The following CSMD3 variants were observed in gnomAD, a reference collection of about 807,000 sequenced individuals.
CSMD3 encodes CUB and Sushi multiple domains 3, also known as CUB and sushi domain-containing protein 3.
Under a neutral mutation model 435.2 loss-of-function variants are expected in CSMD3, and 177 were observed. The observed-to-expected ratio is 0.41, with a 90% CI of 0.36 to 0.46. The LOEUF (loss-of-function observed/expected upper bound fraction) is 0.46, where lower values mean the gene tolerates loss of function less well. Ranked by LOEUF, CSMD3 falls within the 20% of genes least tolerant of loss-of-function variation. The pLI is 0.34. For synonymous variants in CSMD3, 1,656 were observed against 1,520.5 expected, an observed-to-expected ratio of 1.09 and a Z score of -2.07; for missense variants, 4,265 against 4,504.6, an observed-to-expected ratio of 0.95 and a Z score of 1.52.
intron 27 of CSMD3, among the ~76,000 whole-genome samples, chr8:112,526,997 C>A (rs574451304): frequency 6.6e-6 from 1 of 151,038 alleles, no homozygotes; most frequent in Non-Finnish European, 1.5e-5. Context: ...AGAGGTATAG[C>A]TAATAAGCTA....
At chr8:113,142,689 A>G (rs1217990762) in intron 4 of CSMD3, among the ~76,000 whole-genome samples, 4 of 151,086 alleles carry the variant, frequency 2.6e-5, no homozygotes, top group East Asian at 2.0e-4. Context: ...ACAACACAAC[A>G]GAGTAACTAC....
At chr8:112,320,033 C>T (rs1443104046) in intron 45 of CSMD3, 52 bp from the exon 46 acceptor site, 1 of 1,161,868 alleles carries the variant, frequency 8.6e-7, no homozygotes, top group African/African-American at 1.5e-5. Flanking sequence ...TACATGTATT[C>T]ACATATGCAA....
chr8:112,262,657 AG>A (rs1226885711), intron 61 of CSMD3, among the ~76,000 whole-genome samples: 4 of 152,136 alleles, frequency 2.6e-5, no homozygotes, highest in Non-Finnish European at 4.4e-5. Context: ...AAGGAATAAA[AG>A]GAAATTTCCA....
chr8:112,751,337 C>A (rs1431922063), intron 13 of CSMD3, among the ~76,000 whole-genome samples: 1 of 151,704 alleles, frequency 6.6e-6, no homozygotes, highest in Non-Finnish European at 1.5e-5. Flanking sequence ...ACCCAATATA[C>A]CTTATATTAA....
At chr8:112,461,879 T>C (rs1456431009) in intron 32 of CSMD3, among the ~76,000 whole-genome samples, 1 of 152,204 alleles carries the variant, frequency 6.6e-6, no homozygotes. Context: ...TGTACTTCTG[T>C]AAGCAGATTT....
chr8:113,343,779 A>T (rs1327892457), intron 1 of CSMD3, among the ~76,000 whole-genome samples: 1 of 152,112 alleles, frequency 6.6e-6, no homozygotes, highest in Non-Finnish European at 1.5e-5. Flanking sequence ...TCTTAAAAAT[A>T]ATTGCACTCA....
In CSMD3 at chr8:112,242,838, G is replaced by A. The variant is rs536299881; in HGVS notation, c.10403-1053C>T. Among the ~76,000 whole-genome samples the A allele has an allele frequency of 4.6e-5, 7 of 152,178 alleles. No homozygotes were observed. In the East Asian group the frequency reaches 1.2e-3, roughly 25 times the overall value. On this transcript the variant is annotated intron_variant, in intron 65 of 70. Transcript: ENST00000297405. ...ATAAATAAGCCAGAAATATTAGTTTGTAAGTAATCTACATAAGGACAGCTG... is the reference window on the plus strand; with the variant it reads ...ATAAATAAGCCAGAAATATTAGTTTATAAGTAATCTACATAAGGACAGCTG...
chr8:112,634,507 T>C (rs2074603405), intron 22 of CSMD3, among the ~76,000 whole-genome samples: 1 of 152,008 alleles, frequency 6.6e-6, no homozygotes, highest in South Asian at 2.1e-4. Flanking sequence ...CACAGCTAAT[T>C]TGAAAATGGG....
rs1044232093 is a variant in CSMD3 at position 112,749,197 on chromosome 8, C to G, written c.1972+50965G>C. On this transcript the variant is annotated intron_variant, in intron 13 of 70. Transcript: ENST00000297405. ...ACTTTTTGATGGGATTGTATGTTTT[C>G]CTCTTGTGAATTTGTTTAAGTTGCT... 4.0e-5 allele frequency among the ~76,000 whole-genome samples: 6 copies of G among 151,728 alleles called. 1 individual carries two copies. Among genetic ancestry groups the G allele is most frequent in the Admixed American group, 3.9e-4 (6 of 15,236 alleles).
chr8:112,745,831 A>G (rs985650557), intron 13 of CSMD3, among the ~76,000 whole-genome samples: 1 of 152,116 alleles, frequency 6.6e-6, no homozygotes, highest in African/African-American at 2.4e-5. Context: ...GATACTTTAA[A>G]TGTCTAACAT....
At chr8:112,534,163 T>C (rs1458331778) in intron 27 of CSMD3, among the ~76,000 whole-genome samples, 8 of 151,700 alleles carry the variant, frequency 5.3e-5, no homozygotes, top group Non-Finnish European at 7.4e-5. Context: ...AGGCAAGAAA[T>C]AACTAAAATC....
At chr8:112,952,182 T>A (rs1194117239) in intron 8 of CSMD3, among the ~76,000 whole-genome samples, 13 of 151,698 alleles carry the variant, frequency 8.6e-5, no homozygotes, top group Non-Finnish European at 7.4e-5. Context: ...ATGAGCCTTT[T>A]AACAGCCAAA....
intron 3 of CSMD3, among the ~76,000 whole-genome samples, chr8:113,269,700 G>A (rs148583080): frequency 0.27 from 33,249 of 121,044 alleles, 3,927 homozygotes; most frequent in African/African-American, 0.3. Flanking sequence ...ACAAAAAAAA[G>A]AAGAAATGGG....
At chr8:113,321,751 T>C (rs1001724636) in intron 1 of CSMD3, among the ~76,000 whole-genome samples, 2 of 152,124 alleles carry the variant, frequency 1.3e-5, no homozygotes, top group Admixed American at 6.5e-5. Flanking sequence ...CAGAGACAAA[T>C]AGGGTTAGTA....
chr8:112,526,740 T>G (rs1825010858), intron 27 of CSMD3, among the ~76,000 whole-genome samples: 1 of 152,016 alleles, frequency 6.6e-6, no homozygotes, highest in South Asian at 2.1e-4. Flanking sequence ...AAGATAATTT[T>G]TTTGCTTAAA....
At chr8:113,327,879 A>G (rs1019912182) in intron 1 of CSMD3, among the ~76,000 whole-genome samples, 1 of 152,168 alleles carries the variant, frequency 6.6e-6, no homozygotes, top group Non-Finnish European at 1.5e-5. Context: ...CTGGGGAAAG[A>G]CGTGCTCACA....
At position 112,506,595 on chromosome 8, in the gene CSMD3, A is replaced by G. The variant is rs150755490; in HGVS notation, c.4895+96T>C. On this transcript the variant is annotated intron_variant, in intron 29 of 70. Transcript: ENST00000297405. ...TAAGTAAAAAATAACAAAAAATGCTATATACAGAAATAGGAATTAGTCTAG... is the reference window on the plus strand; with the variant it reads ...TAAGTAAAAAATAACAAAAAATGCTGTATACAGAAATAGGAATTAGTCTAG... The G allele has an allele frequency of 6.7e-5, 79 of 1,174,974 alleles. No individual in the cohort carries two copies. In the African/African-American group the frequency reaches 1.1e-3, roughly 16 times the overall value. 72.8% of individuals were successfully genotyped at this position (1,174,974 alleles called of 1,614,324 possible).
intron 3 of CSMD3, among the ~76,000 whole-genome samples, chr8:113,203,419 T>G (rs2092734983): frequency 6.6e-6 from 1 of 151,892 alleles, no homozygotes; most frequent in Non-Finnish European, 1.5e-5. Context: ...ATGACCCTCT[T>G]GCCTGAGCCA....
chr8:112,715,700 G>A (rs2076710339), intron 13 of CSMD3, among the ~76,000 whole-genome samples: 1 of 152,142 alleles, frequency 6.6e-6, no homozygotes, highest in Non-Finnish European at 1.5e-5. Context: ...ACTGAATCCA[G>A]CTGCACATCA....
Sources: allele counts gnomAD v4.1 joint callset (sites outside exome capture counted in the v4.1 genomes callset), GRCh38; gene constraint gnomAD v4.1.1; transcripts MANE v1.5; gene names NCBI Gene and HGNC (gene_info 2026-07-23, HGNC 2026-07-21).